The following TTC39C variants were observed in gnomAD, a reference collection of about 807,000 sequenced individuals.
TTC39C encodes the protein tetratricopeptide repeat domain 39C.
Under a neutral mutation model 76.3 loss-of-function variants are expected in TTC39C, and 33 were observed. The observed-to-expected ratio is 0.43, with a 90% CI of 0.33 to 0.58. The LOEUF (loss-of-function observed/expected upper bound fraction) is 0.58. Ranked by LOEUF, TTC39C falls within the 20% of genes least tolerant of loss-of-function variation. The pLI is 0.04. For synonymous variants in TTC39C, 254 were observed against 260.6 expected (o/e 0.97, Z 0.24); for missense variants, 595 against 701.4 (o/e 0.85, Z 1.71).
intron 1 of TTC39C, among the ~76,000 whole-genome samples, chr18:24,037,675 A>G (rs1174959035): frequency 6.6e-6 from 1 of 152,198 alleles, no homozygotes; most frequent in Non-Finnish European, 1.5e-5. Flanking sequence ...ACTGGTTACT[A>G]CAACACTTTG....
intron 1 of TTC39C, among the ~76,000 whole-genome samples, chr18:24,044,185 T>G (rs2083834664): frequency 6.6e-6 from 1 of 151,914 alleles, no homozygotes; most frequent in Non-Finnish European, 1.5e-5. Context: ...AGAGAGGACA[T>G]CATGGAAAAA....
intron 6 of TTC39C, among the ~76,000 whole-genome samples, chr18:24,083,283 G>T (rs2084399523): frequency 6.6e-6 from 1 of 152,178 alleles, no homozygotes. Context: ...TTCGGAAGAT[G>T]TGGGCGAAGT....
chr18:24,051,108 A>G (rs916936167), intron 1 of TTC39C, among the ~76,000 whole-genome samples: 1 of 151,908 alleles, frequency 6.6e-6, no homozygotes, highest in African/African-American at 2.4e-5. Flanking sequence ...TTAATGATCT[A>G]CCTGTAGATA....
Position 24,118,126 on chromosome 18 carries a change from T to C in TTC39C, c.1080T>C (p.Gly360=), listed in dbSNP as rs1188217151. The change falls in exon 8 of 14, where the codon GGT becomes GGC. Residue 360 remains glycine (G), a splice_region_variant and synonymous_variant. Transcript: ENST00000317571. ...EIQHVCLYEI[G]WCSMIELNFK... Reference sequence around the variant, plus strand: ...GTGCTAAAAATATTTCTTTCATAGGTTGGTGCAGCATGATAGAGCTCAATT... The same window carrying C: ...GTGCTAAAAATATTTCTTTCATAGGCTGGTGCAGCATGATAGAGCTCAATT... 8.1e-6 allele frequency: 13 copies of C among 1,612,656 alleles called. No individual in the cohort carries two copies. The East Asian group carries it at 1.6e-4, about 19-fold the overall frequency.
At chr18:24,004,682 A>C (rs1009144514) in intron 1 of TTC39C, among the ~76,000 whole-genome samples, 4 of 152,224 alleles carry the variant, frequency 2.6e-5, no homozygotes, top group Admixed American at 2.6e-4. Context: ...TGAGTTTAAT[A>C]TAATAATACA....
intron 6 of TTC39C, chr18:24,113,721 T>C (rs1196628883): frequency 1.4e-6 from 1 of 701,626 alleles, no homozygotes; most frequent in Non-Finnish European, 2.6e-6. Context: ...CTTTGAATCC[T>C]GATCATGCTT....
chr18:24,057,198 C>T (rs573830257), intron 1 of TTC39C, among the ~76,000 whole-genome samples: 38 of 152,174 alleles, frequency 2.5e-4, no homozygotes, highest in Admixed American at 1.2e-3. Context: ...TAATTACTTT[C>T]GTACATCCCT....
At position 24,080,958 on chromosome 18, in the gene TTC39C, A is replaced by G. The variant is rs1200347176; in HGVS notation, c.815+19A>G. On this transcript the variant is annotated intron_variant, in intron 5 of 13. Transcript: ENST00000317571. Reference sequence around the variant, plus strand: ...TAGCTACGTGAGTAGCTGTATTGCAATGCTTTGGTAGATAATATAGTGTTG... The same window carrying G: ...TAGCTACGTGAGTAGCTGTATTGCAGTGCTTTGGTAGATAATATAGTGTTG... 25 of 1,580,942 alleles carry G rather than the reference A, an allele frequency of 1.6e-5. No homozygotes were observed. The East Asian group carries it at 4.0e-4, about 25-fold the overall frequency.
intron 4 of TTC39C, among the ~76,000 whole-genome samples, chr18:24,074,811 A>G (rs111314656): frequency 5.1e-4 from 77 of 152,366 alleles, no homozygotes; most frequent in African/African-American, 1.8e-3. Context: ...GTATATACCC[A>G]GAGGATTATA....
At chr18:24,106,515 G>A (rs1158006034) in intron 6 of TTC39C, among the ~76,000 whole-genome samples, 1 of 152,176 alleles carries the variant, frequency 6.6e-6, no homozygotes, top group African/African-American at 2.4e-5. Context: ...CCCTTCCTCT[G>A]CACATCCCTC....
chr18:24,077,627 C>T (rs2084323370), intron 4 of TTC39C, among the ~76,000 whole-genome samples: 1 of 152,190 alleles, frequency 6.6e-6, no homozygotes. Flanking sequence ...AGGTGGCAAG[C>T]ACAGTGCCAG....
At chr18:24,031,216 C>G (rs2083665501) in intron 1 of TTC39C, among the ~76,000 whole-genome samples, 1 of 152,040 alleles carries the variant, frequency 6.6e-6, no homozygotes. Context: ...CCTTGGCCTC[C>G]CAAAGTGCTG....
intron 1 of TTC39C, chr18:24,019,906 A>T: frequency 6.6e-7 from 1 of 1,525,072 alleles, no homozygotes; most frequent in Non-Finnish European, 8.7e-7. Context: ...TCCTGGAGAA[A>T]CTCAAAGGCG....
chr18:24,097,182 C>T (rs1411847945), intron 6 of TTC39C, among the ~76,000 whole-genome samples: 1 of 152,198 alleles, frequency 6.6e-6, no homozygotes, highest in African/African-American at 2.4e-5. Context: ...AAAACAATCT[C>T]ATAAGTAGCA....
chr18:24,020,848 C>A (rs34085514), intron 1 of TTC39C, among the ~76,000 whole-genome samples: 35,304 of 151,884 alleles, frequency 0.23, 4,721 homozygotes, highest in East Asian at 0.57. Context: ...TTTTTCCCCT[C>A]ATTTAGTTGA....
At chr18:24,106,720 C>A (rs182745478) in intron 6 of TTC39C, among the ~76,000 whole-genome samples, 1 of 152,324 alleles carries the variant, frequency 6.6e-6, no homozygotes, top group East Asian at 1.9e-4. Context: ...GAGACGGAGT[C>A]TGGCTCTGTC....
intron 1 of TTC39C, among the ~76,000 whole-genome samples, chr18:24,021,667 G>C (rs2083519921): frequency 6.6e-6 from 1 of 151,072 alleles, no homozygotes; most frequent in Non-Finnish European, 1.5e-5. Context: ...TGCCAAGCTG[G>C]GCCTTTTCTT....
At position 24,133,602 on chromosome 18, in the gene TTC39C, G is replaced by A. The variant is rs1003062193; in HGVS notation, c.*1028G>A. 1.3e-5 allele frequency: 2 copies of A among 152,196 alleles called. No homozygotes were observed. The highest frequency in any genetic ancestry group is 2.4e-5 in the African/African-American group (1 of 41,450). 9.4% of individuals were successfully genotyped at this position (152,196 alleles called of 1,614,324 possible). Reference sequence around the variant, plus strand: ...TATTTGCTGGTGGAACATTTGCTGGGCTACACAGTGCCAGGATTTAATCAT... The same window carrying A: ...TATTTGCTGGTGGAACATTTGCTGGACTACACAGTGCCAGGATTTAATCAT... On this transcript the variant is annotated 3_prime_UTR_variant, in exon 14 of 14. Transcript: ENST00000317571.
Position 24,080,913 on chromosome 18 carries a change from T to C in TTC39C, c.789T>C (p.Ser263=). ...CTTCACTGATGTATGCAAGCGAAAGTAAGGACATGAAGGCCCCTTTAGCTA... is the reference window on the plus strand; with the variant it reads ...CTTCACTGATGTATGCAAGCGAAAGCAAGGACATGAAGGCCCCTTTAGCTA... ...GLSSLMYASE[S]KDMKAPLATL... The change falls in exon 5 of 14, where the codon AGT becomes AGC. Residue 263 remains serine, a synonymous_variant. Coordinates refer to ENST00000317571, the MANE Select transcript of TTC39C (RefSeq NM_001135993.2). The C allele has an allele frequency of 4.3e-6, 7 of 1,613,796 alleles. No individual in the cohort carries two copies. Among genetic ancestry groups the C allele is most frequent in the Non-Finnish European group, 5.9e-6 (7 of 1,179,850 alleles).
Sources: allele counts gnomAD v4.1 joint callset (sites outside exome capture counted in the v4.1 genomes callset), GRCh38; gene constraint gnomAD v4.1.1; transcripts MANE v1.5; gene names NCBI Gene and HGNC (gene_info 2026-07-23, HGNC 2026-07-21).